The following ERICH6B variants were observed in gnomAD, a reference collection of about 807,000 sequenced individuals.
ERICH6B encodes glutamate rich 6B, also known as glutamate-rich protein 6B.
Under a neutral mutation model 80.0 loss-of-function variants are expected in ERICH6B, and 69 were observed. That is an observed-to-expected ratio of 0.86 (90% CI 0.71 to 1.05). The LOEUF (loss-of-function observed/expected upper bound fraction) is 1.05, where lower values mean the gene tolerates loss of function less well. Among genes scored for constraint, ERICH6B ranks in the 50% least tolerant of loss-of-function variants. The pLI is 0.00. For missense variants in ERICH6B, 754 were observed against 796.1 expected, an observed-to-expected ratio of 0.95 and a Z score of 0.64; for synonymous variants, 283 against 291.9, an observed-to-expected ratio of 0.97 and a Z score of 0.31.
At chr13:45,570,155 G>T (rs912973826) in intron 8 of ERICH6B, among the ~76,000 whole-genome samples, 2 of 152,170 alleles carry the variant, frequency 1.3e-5, no homozygotes, top group African/African-American at 4.8e-5. Flanking sequence ...CCTACAGAGT[G>T]GAACTATCCC....
intron 3 of ERICH6B, among the ~76,000 whole-genome samples, chr13:45,591,854 G>A (rs1372888158): frequency 1.3e-5 from 2 of 152,100 alleles, no homozygotes; most frequent in African/African-American, 4.8e-5. Flanking sequence ...GTTGGGGGAT[G>A]TCTTTCTACT....
At chr13:45,569,308 TAG>T (rs1875054342) in intron 8 of ERICH6B, among the ~76,000 whole-genome samples, 1 of 152,164 alleles carries the variant, frequency 6.6e-6, no homozygotes, top group Non-Finnish European at 1.5e-5. Flanking sequence ...GTATCTTTAG[TAG>T]AGATGGGATT....
chr13:45,562,991 C>G (rs76574306), intron 10 of ERICH6B, among the ~76,000 whole-genome samples: 2 of 152,124 alleles, frequency 1.3e-5, no homozygotes, highest in African/African-American at 2.4e-5. Flanking sequence ...ATCATTTTCA[C>G]GTTAATTGGG....
rs1169644894 is a variant in ERICH6B, at chr13:45,549,955, C to T, written c.1584G>A (p.Arg528=). The T allele has an allele frequency of 1.9e-6, 3 of 1,551,678 alleles. No homozygotes were observed. In the South Asian group the frequency reaches 3.6e-5, roughly 18 times the overall value. ...YIILEDSLEG[R]IRALINNSGN... ...CTGAGTTGTTGATAAGGGCCCGGAT[C>T]CTCCCTTCTAGACTGTCTTCCAGAA... Residue 528 remains arginine (R), a synonymous_variant, in exon 13 of 15, where the codon AGG becomes AGA. Coordinates refer to ENST00000298738, the MANE Select transcript of ERICH6B (RefSeq NM_182542.3).
chr13:45,573,118 T>C (rs944037660), intron 8 of ERICH6B, among the ~76,000 whole-genome samples: 4 of 152,020 alleles, frequency 2.6e-5, no homozygotes, highest in Non-Finnish European at 5.9e-5. Context: ...CTTGCATTTG[T>C]ATGTAATAAT....
chr13:45,601,004 A>G (rs1268514005), intron 2 of ERICH6B, among the ~76,000 whole-genome samples: 1 of 152,042 alleles, frequency 6.6e-6, no homozygotes, highest in Non-Finnish European at 1.5e-5. Flanking sequence ...CATCCTCCCC[A>G]TGCCCCAGGC....
At chr13:45,548,296 G>C (rs549158153) in intron 13 of ERICH6B, among the ~76,000 whole-genome samples, 17 of 152,362 alleles carry the variant, frequency 1.1e-4, no homozygotes, top group African/African-American at 3.8e-4. Flanking sequence ...AGTCCTGTTG[G>C]TGTGGAGGGA....
chr13:45,591,839 C>T (rs1302595754), intron 3 of ERICH6B, among the ~76,000 whole-genome samples: 5 of 151,972 alleles, frequency 3.3e-5, no homozygotes, highest in Non-Finnish European at 5.9e-5. Context: ...TTTGAATGTT[C>T]GTGGGTTGGG....
At chr13:45,554,835 C>T (rs576770749) in intron 11 of ERICH6B, among the ~76,000 whole-genome samples, 12 of 152,308 alleles carry the variant, frequency 7.9e-5, no homozygotes, top group Non-Finnish European at 1.0e-4. Context: ...TGGGTCCTGG[C>T]CTGGAGGGGT....
At chr13:45,615,511 G>A (rs1397606800) in intron 1 of ERICH6B, among the ~76,000 whole-genome samples, 174 bp downstream of exon 1, 1 of 152,216 alleles carries the variant, frequency 6.6e-6, no homozygotes, top group African/African-American at 2.4e-5. Flanking sequence ...GAGAAAGGGC[G>A]AGAGAAACAA....
chr13:45,584,823 G>C (rs1297119989), intron 5 of ERICH6B, among the ~76,000 whole-genome samples: 1 of 152,104 alleles, frequency 6.6e-6, no homozygotes, highest in Non-Finnish European at 1.5e-5. Context: ...TTCTTCCCTG[G>C]GCTGAAAGCT....
At chr13:45,546,994 A>G (rs1338608354) in intron 13 of ERICH6B, among the ~76,000 whole-genome samples, 1 of 152,210 alleles carries the variant, frequency 6.6e-6, no homozygotes, top group Admixed American at 6.5e-5. Flanking sequence ...GAGGCTATAT[A>G]CATACTGAAA....
rs10653696 is a variant in ERICH6B at position 45,610,833 on chromosome 13, C to CTGTGTGTGTG, written c.-110-3228_-110-3219dup. Among the ~76,000 whole-genome samples, 961 of 147,472 alleles carry CTGTGTGTGTG rather than the reference C, an allele frequency of 6.5e-3. 4 individuals carry two copies. The highest frequency in any genetic ancestry group is 0.017 in the African/African-American group (692 of 40,288). On this transcript the variant is annotated intron_variant, in intron 1 of 14. Coordinates refer to ENST00000298738, the MANE Select transcript of ERICH6B (RefSeq NM_182542.3). The stretch of plus-strand genomic sequence containing the variant: ...TCAAGTGAAATGTTATGTGGCAGGA[C>CTGTGTGTGTG]TGTGTGTGTGTGTGTGTGTGTGTGT...
chr13:45,582,085 C>T (rs1006530274), intron 5 of ERICH6B, among the ~76,000 whole-genome samples: 2 of 152,194 alleles, frequency 1.3e-5, no homozygotes, highest in Non-Finnish European at 2.9e-5. Context: ...ACATCTCAGT[C>T]GTGTGTCTTT....
chr13:45,562,624 A>G (rs1874733917), intron 10 of ERICH6B, among the ~76,000 whole-genome samples: 1 of 152,132 alleles, frequency 6.6e-6, no homozygotes, highest in Non-Finnish European at 1.5e-5. Flanking sequence ...AGCGCCGTGC[A>G]TCCCATGATT....
intron 8 of ERICH6B, among the ~76,000 whole-genome samples, chr13:45,573,436 A>G (rs1477019363): frequency 1.4e-4 from 21 of 152,132 alleles, no homozygotes; most frequent in Admixed American, 1.4e-3. Flanking sequence ...TCATTAAGGA[A>G]CTGGAGGCTT....
At chr13:45,613,745 C>G (rs920075952) in intron 1 of ERICH6B, among the ~76,000 whole-genome samples, 4 of 152,176 alleles carry the variant, frequency 2.6e-5, no homozygotes, top group Non-Finnish European at 5.9e-5. Context: ...AAATATGAAA[C>G]ACAGAATAAG....
At chr13:45,588,938 G>A (rs1312625312) in intron 4 of ERICH6B, among the ~76,000 whole-genome samples, 3 of 152,114 alleles carry the variant, frequency 2.0e-5, no homozygotes, top group Non-Finnish European at 4.4e-5. Context: ...GTGCTTTAGC[G>A]AGGGGAGGGC....
At chr13:45,562,618 C>T (rs1404177048) in intron 10 of ERICH6B, among the ~76,000 whole-genome samples, 1 of 152,052 alleles carries the variant, frequency 6.6e-6, no homozygotes, top group African/African-American at 2.4e-5. Flanking sequence ...TAGGAGAGCG[C>T]CGTGCATCCC....
Sources: allele counts gnomAD v4.1 joint callset (sites outside exome capture counted in the v4.1 genomes callset), GRCh38; gene constraint gnomAD v4.1.1; transcripts MANE v1.5; gene names NCBI Gene and HGNC (gene_info 2026-07-23, HGNC 2026-07-21).